Variants in ABCC9 observed in about 807,000 individuals in gnomAD.
ABCC9 encodes the protein ATP binding cassette subfamily C member 9, also known as ATP-binding cassette sub-family C member 9.
ABCC9 carries 95 observed loss-of-function variants against 188.3 expected under a neutral mutation model. The ratio of observed to expected loss-of-function variants is 0.50; its 90% CI spans 0.43 to 0.60. The LOEUF (loss-of-function observed/expected upper bound fraction) is 0.60. Among genes scored for constraint, ABCC9 ranks in the 20% least tolerant of loss-of-function variants. ABCC9 has a pLI of 0.00. For missense variants in ABCC9, 1,102 were observed against 1,876.3 expected, an observed-to-expected ratio of 0.59 and a Z score of 7.62; for synonymous variants, 659 against 652.7, an observed-to-expected ratio of 1.01 and a Z score of -0.15.
rs2137109986 is a variant in ABCC9 at position 21,806,012 on chromosome 12, C to T, written c.4498G>A (p.Val1500Met). The T allele has an allele frequency of 1.9e-6, 3 of 1,613,620 alleles. No homozygotes were observed. Among genetic ancestry groups the T allele is most frequent in the Non-Finnish European group, 1.7e-6 (2 of 1,179,792 alleles). The change falls in exon 39 of 40, where the codon GTG becomes ATG. Residue 1500 changes from valine to methionine, a missense_variant. Physicochemically the swap from Val to Met is conservative, Grantham distance 21 (BLOSUM62 1). Coordinates refer to ENST00000261200, the MANE Select transcript of ABCC9 (RefSeq NM_020297.4). The stretch of plus-strand genomic sequence containing the variant: ...CTCATACTTACAGCTATTGTCACCA[C>T]GGTCCGGTCTGCAAAGGCTGTCATT... Reference protein sequence around the residue: ...VVMTAFADRTVVTIAHRVHTI... With the variant: ...VVMTAFADRTMVTIAHRVHTI...
intron 22 of ABCC9, among the ~76,000 whole-genome samples, chr12:21,857,173 T>G (rs765644397): frequency 6.6e-6 from 1 of 152,180 alleles, no homozygotes; most frequent in Non-Finnish European, 1.5e-5. Flanking sequence ...AGTTTTAAGG[T>G]TATCTGAGCT....
chr12:21,802,601 T>A (rs538256535), intron 39 of ABCC9, among the ~76,000 whole-genome samples: 2 of 152,246 alleles, frequency 1.3e-5, no homozygotes, highest in Non-Finnish European at 2.9e-5. Flanking sequence ...TTTACACTTA[T>A]GGCACTTCTC....
At chr12:21,938,426 A>G (rs1388818980) in intron 2 of ABCC9, among the ~76,000 whole-genome samples, 4 of 152,214 alleles carry the variant, frequency 2.6e-5, no homozygotes, top group Non-Finnish European at 5.9e-5. Flanking sequence ...AAGTTTTTAA[A>G]AAACAGCAAA....
chr12:21,846,338 C>T (rs981947431), intron 25 of ABCC9, among the ~76,000 whole-genome samples: 4 of 152,162 alleles, frequency 2.6e-5, no homozygotes, highest in African/African-American at 9.7e-5. Context: ...CTAGGAATTC[C>T]TCTCAGATGT....
chr12:21,846,722 G>T (rs775246865), intron 25 of ABCC9, among the ~76,000 whole-genome samples: 15 of 152,108 alleles, frequency 9.9e-5, no homozygotes, highest in Non-Finnish European at 1.8e-4. Context: ...CTTTGTGTGA[G>T]AAGAACAGAC....
At chr12:21,819,863 T>A (rs1168887852) in intron 31 of ABCC9, among the ~76,000 whole-genome samples, 3 of 152,182 alleles carry the variant, frequency 2.0e-5, no homozygotes, top group Non-Finnish European at 4.4e-5. Flanking sequence ...TTTGAGGCAA[T>A]AAATTCCACA....
At chr12:21,823,701 A>G (rs1016661880) in intron 31 of ABCC9, among the ~76,000 whole-genome samples, 15 of 152,242 alleles carry the variant, frequency 9.9e-5, no homozygotes, top group African/African-American at 2.9e-4. Flanking sequence ...GAAAACACCA[A>G]TGCCAAAGAA....
intron 31 of ABCC9, among the ~76,000 whole-genome samples, chr12:21,825,676 G>A (rs1290637686): frequency 6.6e-6 from 1 of 152,114 alleles, no homozygotes; most frequent in African/African-American, 2.4e-5. Flanking sequence ...ATAGCATTAG[G>A]AGAAATACCC....
intron 16 of ABCC9, among the ~76,000 whole-genome samples, chr12:21,877,892 T>A (rs1472974013): frequency 1.3e-5 from 2 of 152,098 alleles, no homozygotes; most frequent in African/African-American, 2.4e-5. Context: ...ACCTTCTCCA[T>A]AGCACTCAGC....
Position 21,934,019 on chromosome 12 carries a change from G to T in ABCC9, c.143-96C>A, listed in dbSNP as rs558594924. ...AATTATGATAAGCTTTAAGGCAGGG[G>T]TGGGGGGGTCCTGAAACCTTAAAAC... On this transcript the variant is annotated intron_variant, in intron 3 of 39. Coordinates refer to ENST00000261200, the MANE Select transcript of ABCC9 (RefSeq NM_020297.4). The T allele has an allele frequency of 8.3e-5, 112 of 1,344,508 alleles. 3 individuals are homozygous for T. The South Asian group carries it at 1.3e-3, about 15-fold the overall frequency. 83.3% of individuals were successfully genotyped at this position (1,344,508 alleles called of 1,614,324 possible).
At chr12:21,844,648 T>G (rs148380848) in intron 27 of ABCC9, 96 bp from the exon 28 acceptor site, 2 of 1,541,188 alleles carry the variant, frequency 1.3e-6, no homozygotes, top group Non-Finnish European at 1.8e-6. Context: ...AATGAGAAGC[T>G]CCCTATTCAT....
At chr12:21,848,832 G>C (rs1273544992) in intron 24 of ABCC9, among the ~76,000 whole-genome samples, 1 of 152,150 alleles carries the variant, frequency 6.6e-6, no homozygotes, top group East Asian at 1.9e-4. Flanking sequence ...AGCAGTGTAA[G>C]AGAAAGCCCT....
intron 30 of ABCC9, 136 bp downstream of exon 30, chr12:21,837,942 A>G (rs1025298822): frequency 2.6e-6 from 2 of 769,816 alleles, no homozygotes; most frequent in Non-Finnish European, 4.4e-6. Context: ...AATTTTTCTT[A>G]TTCTTGGTTT....
chr12:21,885,769 T>C (rs1407702871), intron 15 of ABCC9, among the ~76,000 whole-genome samples: 1 of 152,024 alleles, frequency 6.6e-6, no homozygotes, highest in Non-Finnish European at 1.5e-5. Flanking sequence ...GTAAAACAAC[T>C]TAACAGAAAG....
At chr12:21,907,194 C>T (rs1040349737) in intron 11 of ABCC9, among the ~76,000 whole-genome samples, 10 of 151,996 alleles carry the variant, frequency 6.6e-5, no homozygotes, top group Non-Finnish European at 1.5e-4. Context: ...TGGGAATCAT[C>T]ATATCTCTCC....
intron 12 of ABCC9, among the ~76,000 whole-genome samples, chr12:21,898,589 T>G (rs1947550390): frequency 6.6e-6 from 1 of 152,228 alleles, no homozygotes; most frequent in African/African-American, 2.4e-5. Flanking sequence ...ATCTTTAAAC[T>G]CTAAAGGAGT....
chr12:21,901,431 C>A (rs1947744997), intron 12 of ABCC9, among the ~76,000 whole-genome samples: 1 of 152,152 alleles, frequency 6.6e-6, no homozygotes, highest in South Asian at 2.1e-4. Flanking sequence ...ATCATAATGA[C>A]AGGATCAAAT....
chr12:21,917,491 C>T (rs1457094580), intron 5 of ABCC9, among the ~76,000 whole-genome samples: 1 of 152,080 alleles, frequency 6.6e-6, no homozygotes, highest in African/African-American at 2.4e-5. Flanking sequence ...TCTGTATAAC[C>T]TACTTCATAG....
At chr12:21,821,206 A>G (rs1943016931) in intron 31 of ABCC9, among the ~76,000 whole-genome samples, 1 of 152,208 alleles carries the variant, frequency 6.6e-6, no homozygotes, top group African/African-American at 2.4e-5. Flanking sequence ...CTGAACATGT[A>G]AAGATACTAC....
Sources: allele counts gnomAD v4.1 joint callset (sites outside exome capture counted in the v4.1 genomes callset), GRCh38; gene constraint gnomAD v4.1.1; transcripts MANE v1.5; gene names NCBI Gene and HGNC (gene_info 2026-07-23, HGNC 2026-07-21).